Variants in ETV5 observed in about 807,000 individuals in gnomAD.
The protein encoded by ETV5 is ETS variant transcription factor 5.
In ETV5, 10 loss-of-function variants were observed where a neutral mutation model predicts 70.0. The ratio of observed to expected loss-of-function variants is 0.14; its 90% CI spans 0.09 to 0.24. The LOEUF (loss-of-function observed/expected upper bound fraction) is 0.24. Among genes scored for constraint, ETV5 ranks in the 10% least tolerant of loss-of-function variants. The pLI, the probability that ETV5 is intolerant of heterozygous loss-of-function variation, is 1.00. For missense variants in ETV5, 453 were observed against 651.2 expected (o/e 0.70, Z 3.31); for synonymous variants, 216 against 242.2 (o/e 0.89, Z 1.01).
In ETV5 at chr3:186,057,753, G is replaced by A. The variant is rs1044115085; in HGVS notation, c.971-262C>T. On this transcript the variant is annotated intron_variant, in intron 9 of 12. Coordinates refer to ENST00000306376, the MANE Select transcript of ETV5 (RefSeq NM_004454.3). This position sits in a 1 kb window ranked among gnomAD's most constrained non-coding sequence, Gnocchi z 4.9. Reference sequence around the variant, plus strand: ...CAGGGAAGTGCTGAGTCACCAGTACGTTCCTTTGCATTTTGCTTCTGAGGT... The same window carrying A: ...CAGGGAAGTGCTGAGTCACCAGTACATTCCTTTGCATTTTGCTTCTGAGGT... Among the ~76,000 whole-genome samples the A allele has an allele frequency of 3.9e-5, 6 of 152,148 alleles. No homozygotes were observed. Among genetic ancestry groups the A allele is most frequent in the East Asian group, 3.8e-4 (2 of 5,196 alleles).
chr3:186,059,067 C>T (rs532489136), intron 9 of ETV5, among the ~76,000 whole-genome samples: 8 of 151,140 alleles, frequency 5.3e-5, no homozygotes, highest in South Asian at 2.1e-4. Context: ...AGGAAAAATC[C>T]GTGAGTAAAG....
Position 186,080,881 on chromosome 3 carries a change from C to T in ETV5, c.362+165G>A, listed in dbSNP as rs1713916938. ...TTCTTTTGTGTGCAGTACAATGATCCCAAGGGGACTGGACTACACCCGGAG... is the reference window on the plus strand; with the variant it reads ...TTCTTTTGTGTGCAGTACAATGATCTCAAGGGGACTGGACTACACCCGGAG... On this transcript the variant is annotated intron_variant, in intron 6 of 12. Coordinates refer to ENST00000306376, the MANE Select transcript of ETV5 (RefSeq NM_004454.3). 4.0e-6 allele frequency: 3 copies of T among 741,430 alleles called. No homozygotes were observed. The South Asian group carries it at 6.0e-5, about 15-fold the overall frequency. The allele number at this position is 741,430 out of a possible 1,614,324, so 45.9% of individuals were successfully genotyped here.
At chr3:186,082,786 A>C (rs1004706983) in intron 5 of ETV5, among the ~76,000 whole-genome samples, 1 of 152,232 alleles carries the variant, frequency 6.6e-6, no homozygotes, top group African/African-American at 2.4e-5. Context: ...CTGGCCTCTC[A>C]GGTGCCTCTA....
intron 1 of ETV5, among the ~76,000 whole-genome samples, chr3:186,107,752 GGCCCGGTTT>G (rs1403170736): frequency 3.9e-5 from 6 of 152,060 alleles, no homozygotes; most frequent in African/African-American, 1.2e-4. Flanking sequence ...GCGCGCAGCG[GGCCCGGTTT>G]TATGAATGGG....
chr3:186,057,539 G>T lies in ETV5; in HGVS notation c.971-48C>A. The T allele has an allele frequency of 6.8e-7, 1 of 1,476,152 alleles. No individual in the cohort carries two copies. Among genetic ancestry groups the T allele is most frequent in the Non-Finnish European group, 9.5e-7 (1 of 1,054,676 alleles). 91.4% of individuals were successfully genotyped at this position (1,476,152 alleles called of 1,614,324 possible). ...GACTACGTTGCTTAACAAATTCTGT[G>T]TTGTACTAAAACTATGGATTTAAGG... On this transcript the variant is annotated intron_variant, in intron 9 of 12. Coordinates refer to ENST00000306376, the MANE Select transcript of ETV5 (RefSeq NM_004454.3). This position sits in a 1 kb window ranked among gnomAD's most constrained non-coding sequence, Gnocchi z 4.9.
intron 5 of ETV5, among the ~76,000 whole-genome samples, chr3:186,104,087 A>G (rs1714529979): frequency 6.6e-6 from 1 of 152,240 alleles, no homozygotes; most frequent in African/African-American, 2.4e-5. Flanking sequence ...GCTTGCTATT[A>G]TAAACTATGA....
chr3:186,055,784 G>A (rs1713145234), intron 11 of ETV5, among the ~76,000 whole-genome samples: 1 of 152,084 alleles, frequency 6.6e-6, no homozygotes, highest in Admixed American at 6.5e-5. Context: ...CCATGCCAGC[G>A]TATTTCTCTG....
At chr3:186,084,876 C>G (rs921618529) in intron 5 of ETV5, among the ~76,000 whole-genome samples, 1 of 152,130 alleles carries the variant, frequency 6.6e-6, no homozygotes, top group Non-Finnish European at 1.5e-5. Context: ...ATACCACTTA[C>G]ACCTGTTTAA....
intron 9 of ETV5, among the ~76,000 whole-genome samples, chr3:186,061,940 A>T (rs1713314493): frequency 6.6e-6 from 1 of 152,234 alleles, no homozygotes; most frequent in African/African-American, 2.4e-5. Flanking sequence ...TGTACTAAAA[A>T]CAACAACAAA....
intron 7 of ETV5, among the ~76,000 whole-genome samples, chr3:186,077,120 T>C (rs1048744364): frequency 1.3e-5 from 2 of 152,340 alleles, no homozygotes; most frequent in African/African-American, 2.4e-5. Context: ...TTCTAACCTA[T>C]AAAATGGGTT....
At chr3:186,096,341 C>G (rs369481767) in intron 5 of ETV5, among the ~76,000 whole-genome samples, 1 of 152,194 alleles carries the variant, frequency 6.6e-6, no homozygotes, top group Admixed American at 6.5e-5. Flanking sequence ...ACATCCCCCC[C>G]TCTTCTATTC....
At chr3:186,104,742 CTTTTT>C (rs869046424) in intron 5 of ETV5, among the ~76,000 whole-genome samples, 2 of 136,774 alleles carry the variant, frequency 1.5e-5, no homozygotes, top group Admixed American at 7.3e-5. Context: ...TTGCAATATT[CTTTTT>C]TTTTTTTTTT....
At chr3:186,056,624 C>T (rs1306316055) in intron 11 of ETV5, among the ~76,000 whole-genome samples, 1 of 152,100 alleles carries the variant, frequency 6.6e-6, no homozygotes, top group Non-Finnish European at 1.5e-5. Flanking sequence ...CTCCAGGCTA[C>T]AGCCATTTGA....
At chr3:186,108,611 A>G in intron 1 of ETV5, 1 of 1,192,390 alleles carries the variant, frequency 8.4e-7, no homozygotes, top group Non-Finnish European at 1.1e-6. Flanking sequence ...GAATCTCCAG[A>G]GACTGTGAAA....
chr3:186,077,544 T>C (rs4686728), intron 7 of ETV5, among the ~76,000 whole-genome samples: 46,937 of 152,024 alleles, frequency 0.31, 8,948 homozygotes, highest in East Asian at 0.61. Context: ...GCAGTAGGAA[T>C]AGAATTTGGT....
At position 186,046,902 on chromosome 3, in the gene ETV5, G is replaced by A. The variant is rs1712892935; in HGVS notation, c.*1737C>T. ...GTTTACCACCTTTGTGGGCTAATTA[G>A]CTTCCAATAGAGGAGAATCTCATGT... On this transcript the variant is annotated 3_prime_UTR_variant, in exon 13 of 13. Coordinates refer to ENST00000306376, the MANE Select transcript of ETV5 (RefSeq NM_004454.3). The A allele has an allele frequency of 8.7e-6, 2 of 231,036 alleles. No homozygotes were observed. The highest frequency in any genetic ancestry group is 1.7e-5 in the Non-Finnish European group (2 of 116,468). The allele number at this position is 231,036 out of a possible 1,614,324, so 14.3% of individuals were successfully genotyped here. A position where few individuals can be genotyped will look rare whatever the true frequency, so the allele number is the denominator to read the frequency against.
At chr3:186,102,437 A>G (rs1218982772) in intron 5 of ETV5, among the ~76,000 whole-genome samples, 1 of 152,110 alleles carries the variant, frequency 6.6e-6, no homozygotes, top group Non-Finnish European at 1.5e-5. Context: ...GTTCAAGACC[A>G]GCCTGGCAAA....
chr3:186,078,920 A>G (rs909264324), intron 7 of ETV5: 2 of 311,894 alleles, frequency 6.4e-6, no homozygotes, highest in African/African-American at 2.1e-5. Context: ...ACTGGTAGGC[A>G]TCTGGAATGG....
chr3:186,107,610 A>G (rs1381081261), intron 1 of ETV5, among the ~76,000 whole-genome samples: 2 of 152,250 alleles, frequency 1.3e-5, no homozygotes, highest in East Asian at 3.8e-4. Context: ...TTTTTTTAAA[A>G]GCCTGAAGGA....
Sources: gnomAD v4.1 joint callset for allele counts (sites outside exome capture counted in the v4.1 genomes callset) on GRCh38, gnomAD v4.1.1 for gene constraint, Gnocchi (gnomAD v3.1) non-coding constraint, MANE v1.5 for transcripts, NCBI Gene and HGNC (gene_info 2026-07-23, HGNC 2026-07-21) for gene names.